LRRC55: variants seen among roughly 807,000 people sequenced by gnomAD.
LRRC55 encodes leucine-rich repeat-containing protein 55.
Under a neutral mutation model 20.5 loss-of-function variants are expected in LRRC55, and 11 were observed. The ratio of observed to expected loss-of-function variants is 0.54; its 90% CI spans 0.34 to 0.89. LRRC55 has a LOEUF of 0.89. Ranked by LOEUF, LRRC55 falls within the 40% of genes least tolerant of loss-of-function variation. The probability of loss-of-function intolerance (pLI) is 0.02; values close to 1 mark genes in which losing one functional copy is unlikely to be tolerated. For synonymous variants in LRRC55, 188 were observed against 166.6 expected (o/e 1.13, Z -0.99); for missense variants, 358 against 390.9 (o/e 0.92, Z 0.71).
chr11:57,182,966 C>T (rs947964760), intron 1 of LRRC55, among the ~76,000 whole-genome samples: 1 of 152,096 alleles, frequency 6.6e-6, no homozygotes, highest in Non-Finnish European at 1.5e-5. Flanking sequence ...TGAGAATAGC[C>T]TATGGTTGGT....
At position 57,191,600 on chromosome 11, in the gene LRRC55, G is replaced by C. The variant is rs1291179946; in HGVS notation, c.*4120G>C. 6.6e-6 allele frequency: 1 copy of C among 151,886 alleles called. No individual in the cohort carries two copies. The highest frequency in any genetic ancestry group is 1.5e-5 in the Non-Finnish European group (1 of 68,004). 9.4% of individuals were successfully genotyped at this position (151,886 alleles called of 1,614,324 possible). A position where few individuals can be genotyped will look rare whatever the true frequency, so the allele number is the denominator to read the frequency against. On this transcript the variant is annotated 3_prime_UTR_variant, in exon 2 of 2. Transcript: ENST00000497933. Reference sequence around the variant, plus strand: ...GGGTGGGAGGGCTGGGGAGGGGTGGGGTTAGAGGGAAGATGCCAACCTTTG... The same window carrying C: ...GGGTGGGAGGGCTGGGGAGGGGTGGCGTTAGAGGGAAGATGCCAACCTTTG...
At position 57,189,836 on chromosome 11, in the gene LRRC55, G is replaced by A. The variant is rs1440436702; in HGVS notation, c.*2356G>A. The A allele has an allele frequency of 2.0e-5, 3 of 152,194 alleles. No homozygotes were observed. The highest frequency in any genetic ancestry group is 2.4e-5 in the African/African-American group (1 of 41,424). 9.4% of individuals were successfully genotyped at this position (152,194 alleles called of 1,614,324 possible). A position where few individuals can be genotyped will look rare whatever the true frequency, so the allele number is the denominator to read the frequency against. ...AGGAGGCTAATAAGTCATCTTCCAGGAAGGCATCCCTCACTCGTGCTTCCC... is the reference window on the plus strand; with the variant it reads ...AGGAGGCTAATAAGTCATCTTCCAGAAAGGCATCCCTCACTCGTGCTTCCC... On this transcript the variant is annotated 3_prime_UTR_variant, in exon 2 of 2. Transcript: ENST00000497933.
chr11:57,187,477 C>A lies in LRRC55; in HGVS notation c.894C>A (p.Ile298=). 6.2e-7 allele frequency: 1 copy of A among 1,613,156 alleles called. No individual in the cohort carries two copies. Among genetic ancestry groups the A allele is most frequent in the Non-Finnish European group, 8.5e-7 (1 of 1,179,706 alleles). ...RWSKASEEEE[I] ...GCAAGGCCAGTGAAGAGGAAGAGAT[C>A]TGACATGCCTGCCTCTCATCCCTCC... The change falls in exon 2 of 2, where the codon ATC becomes ATA. Residue 298 remains isoleucine (I), a synonymous_variant. Transcript: ENST00000497933.
chr11:57,185,967 T>C (rs1457206850), intron 1 of LRRC55, among the ~76,000 whole-genome samples: 1 of 151,230 alleles, frequency 6.6e-6, no homozygotes, highest in East Asian at 1.9e-4. Context: ...ACCAATATAA[T>C]AATTCATATA....
At position 57,188,143 on chromosome 11, in the gene LRRC55, G is replaced by A. The variant is rs1590512867; in HGVS notation, c.*663G>A. ...AGCTACCAGGTGAGACCACCTCCCA[G>A]TGACTGCCCCCATATGACCAAATGT... On this transcript the variant is annotated 3_prime_UTR_variant, in exon 2 of 2. Coordinates refer to ENST00000497933, the MANE Select transcript of LRRC55 (RefSeq NM_001005210.4). 1 of 153,226 alleles carries A rather than the reference G, an allele frequency of 6.5e-6. No homozygotes were observed. The highest frequency in any genetic ancestry group is 1.9e-4 in the East Asian group (1 of 5,194). 9.5% of individuals were successfully genotyped at this position (153,226 alleles called of 1,614,324 possible).
chr11:57,185,276 T>C lies in LRRC55; in HGVS notation c.662-1969T>C, dbSNP rs1269658355. The stretch of plus-strand genomic sequence containing the variant: ...CCTTCTTTTCTTTTCTTTTCTTTTT[T>C]TTTTTTTTTTTTTTTTTTTTTTGAG... On this transcript the variant is annotated intron_variant, in intron 1 of 1. Coordinates refer to ENST00000497933, the MANE Select transcript of LRRC55 (RefSeq NM_001005210.4). Among the ~76,000 whole-genome samples the C allele has an allele frequency of 1.1e-3, 126 of 117,622 alleles. 5 individuals are homozygous for C. Among genetic ancestry groups the C allele is most frequent in the East Asian group, 5.0e-3 (21 of 4,202 alleles). The allele number at this position is 117,622 out of a possible 152,430, so 77.2% of individuals were successfully genotyped here. A position where few individuals can be genotyped will look rare whatever the true frequency, so the allele number is the denominator to read the frequency against.
At position 57,187,591 on chromosome 11, in the gene LRRC55, G is replaced by T. The variant is rs1854450788; in HGVS notation, c.*111G>T. 1.5e-5 allele frequency: 16 copies of T among 1,050,980 alleles called. No homozygotes were observed. The highest frequency in any genetic ancestry group is 1.8e-5 in the Non-Finnish European group (13 of 708,698). The allele number at this position is 1,050,980 out of a possible 1,614,324, so 65.1% of individuals were successfully genotyped here. A position where few individuals can be genotyped will look rare whatever the true frequency, so the allele number is the denominator to read the frequency against. ...ATGGTGACCTGGCTGCCTCAGTCAT[G>T]GTTCAAGCAAGGTGGGGACACTCAT... On this transcript the variant is annotated 3_prime_UTR_variant, in exon 2 of 2. Transcript: ENST00000497933.
At chr11:57,187,203 C>T (rs781507854) in intron 1 of LRRC55, 42 bp from the exon 2 acceptor site, 1 of 1,574,748 alleles carries the variant, frequency 6.4e-7, no homozygotes, top group Non-Finnish European at 8.7e-7. Flanking sequence ...AATCCCCTCT[C>T]CTTCCCTGGG....
Position 57,182,638 on chromosome 11 carries a change from C to A in LRRC55, c.616C>A (p.Pro206Thr). 6.6e-7 allele frequency: 1 copy of A among 1,518,308 alleles called. No homozygotes were observed. Among genetic ancestry groups the A allele is most frequent in the Non-Finnish European group, 8.8e-7 (1 of 1,134,120 alleles). The allele number at this position is 1,518,308 out of a possible 1,614,324, so 94.1% of individuals were successfully genotyped here. A position where few individuals can be genotyped will look rare whatever the true frequency, so the allele number is the denominator to read the frequency against. ...CTGGGTGTGTGGCTGCACCATGGAA[C>A]CCCTGCTGAAGTGGCTGCGAAACCG... ...NPWVCGCTME[P>T]LLKWLRNRIQ... is the part of the protein sequence containing the mutation. The change falls in exon 1 of 2, where the codon CCC becomes ACC. Residue 206 changes from proline to threonine, a missense_variant. Coordinates refer to ENST00000497933, the MANE Select transcript of LRRC55 (RefSeq NM_001005210.4).
In LRRC55 at chr11:57,181,996, C is replaced by T. The variant is rs1565178691; in HGVS notation, c.-27C>T. On this transcript the variant is annotated 5_prime_UTR_variant, in exon 1 of 2. An upstream open reading frame in the 5' UTR gains an earlier in-frame stop. Transcript: ENST00000497933. The stretch of plus-strand genomic sequence containing the variant: ...GGACACAGTCCTCATGGGCTCCCTC[C>T]AGCACTGCTGTTGCCTGCTGCCTAA... The T allele has an allele frequency of 6.2e-7, 1 of 1,614,206 alleles. No individual in the cohort carries two copies. The highest frequency in any genetic ancestry group is 1.1e-5 in the South Asian group (1 of 91,084).
rs1323523686 is a variant in LRRC55, at chr11:57,187,892, C to T, written c.*412C>T. ...GGAAATATCTACTTTGTCAGGTAGG[C>T]AAAGAAGGGTGTCTGCACATGGCAG... is the stretch of plus-strand genomic sequence containing the variant. On this transcript the variant is annotated 3_prime_UTR_variant, in exon 2 of 2. Transcript: ENST00000497933. 1 of 280,572 alleles carries T rather than the reference C, an allele frequency of 3.6e-6. No homozygotes were observed. Among genetic ancestry groups the T allele is most frequent in the Non-Finnish European group, 6.8e-6 (1 of 146,594 alleles). 17.4% of individuals were successfully genotyped at this position (280,572 alleles called of 1,614,324 possible).
In LRRC55 at chr11:57,191,414, T is replaced by A. The variant is rs1310851350; in HGVS notation, c.*3934T>A. The A allele has an allele frequency of 6.6e-6, 1 of 152,082 alleles. No individual in the cohort carries two copies. Among genetic ancestry groups the A allele is most frequent in the Non-Finnish European group, 1.5e-5 (1 of 68,042 alleles). The allele number at this position is 152,082 out of a possible 1,614,324, so 9.4% of individuals were successfully genotyped here. A position where few individuals can be genotyped will look rare whatever the true frequency, so the allele number is the denominator to read the frequency against. On this transcript the variant is annotated 3_prime_UTR_variant, in exon 2 of 2. Transcript: ENST00000497933. ...ACATCTTCCTAAAGCCAGAGAAAAT[T>A]GTCTGCGCTTCCCCACCCCAGGAAG...
chr11:57,184,370 G>A (rs1590776724), intron 1 of LRRC55, among the ~76,000 whole-genome samples: 1 of 152,306 alleles, frequency 6.6e-6, no homozygotes, highest in South Asian at 2.1e-4. Context: ...CAGCGAGCAG[G>A]AGAGGGGTCC....
At chr11:57,186,229 C>G (rs1040471362) in intron 1 of LRRC55, among the ~76,000 whole-genome samples, 1 of 152,002 alleles carries the variant, frequency 6.6e-6, no homozygotes, top group African/African-American at 2.4e-5. Context: ...AACTCTATAC[C>G]CTGTGTATCT....
chr11:57,182,540 G>T lies in LRRC55; in HGVS notation c.518G>T (p.Gly173Val). ...CGAGACCTGGACCTCAGTTATGGGGGCCTGGCCTTCCTCAGCCTGGAGGCT... is the reference window on the plus strand; with the variant it reads ...CGAGACCTGGACCTCAGTTATGGGGTCCTGGCCTTCCTCAGCCTGGAGGCT... ...QLRDLDLSYG[G>V]LAFLSLEALE... The change falls in exon 1 of 2, where the codon GGC becomes GTC. Residue 173 changes from glycine (G) to valine (V), a missense_variant. By Grantham distance (109) the Gly-to-Val change is moderately radical (BLOSUM62 -3). This residue lies in a region of LRRC55 where 178 missense variants were observed against 207.9 expected (regional missense o/e 0.86). Coordinates refer to ENST00000497933, the MANE Select transcript of LRRC55 (RefSeq NM_001005210.4). The T allele has an allele frequency of 6.3e-7, 1 of 1,576,990 alleles. No individual in the cohort carries two copies. Among genetic ancestry groups the T allele is most frequent in the South Asian group, 1.2e-5 (1 of 85,362 alleles).
rs141945288 is a variant in LRRC55 at position 57,183,112 on chromosome 11, C to A, written c.661+429C>A. ...ATAAAAAGGCTTGACAGGAATCACA[C>A]ACTTAGAAAGTGGCAGGGCCATGAA... On this transcript the variant is annotated intron_variant, in intron 1 of 1. Coordinates refer to ENST00000497933, the MANE Select transcript of LRRC55 (RefSeq NM_001005210.4). Among the ~76,000 whole-genome samples the A allele has an allele frequency of 7.2e-5, 11 of 152,212 alleles. No individual in the cohort carries two copies. The East Asian group carries it at 1.7e-3, about 24-fold the overall frequency.
rs752183992 is a variant in LRRC55, at chr11:57,191,598, G to A, written c.*4118G>A. ...GGGGGTGGGAGGGCTGGGGAGGGGT[G>A]GGGTTAGAGGGAAGATGCCAACCTT... On this transcript the variant is annotated 3_prime_UTR_variant, in exon 2 of 2. Transcript: ENST00000497933. 6.6e-6 allele frequency: 1 copy of A among 152,046 alleles called. No homozygotes were observed. The allele number at this position is 152,046 out of a possible 1,614,324, so 9.4% of individuals were successfully genotyped here.
Position 57,187,688 on chromosome 11 carries a change from C to T in LRRC55, c.*208C>T, listed in dbSNP as rs575161900. 3 of 623,114 alleles carry T rather than the reference C, an allele frequency of 4.8e-6. No homozygotes were observed. The highest frequency in any genetic ancestry group is 8.5e-6 in the Non-Finnish European group (3 of 352,502). 38.6% of individuals were successfully genotyped at this position (623,114 alleles called of 1,614,324 possible). ...GAACATCAGATGAACTGACTCAGTCCCTGCCCTCAAGGCACTTCCCTCTGG... is the reference window on the plus strand; with the variant it reads ...GAACATCAGATGAACTGACTCAGTCTCTGCCCTCAAGGCACTTCCCTCTGG... On this transcript the variant is annotated 3_prime_UTR_variant, in exon 2 of 2. Transcript: ENST00000497933.
rs1854372761 is a variant in LRRC55 at position 57,182,464 on chromosome 11, C to T, written c.442C>T (p.Pro148Ser). ...GLVHIDLSHN[P>S]WLRRVHPQAF... ...AGTCCACATCGACCTGAGCCACAAC[C>T]CCTGGCTGCGGAGGGTGCATCCCCA... The change falls in exon 1 of 2, where the codon CCC becomes TCC. Residue 148 changes from proline to serine, a missense_variant. Pro to Ser is a moderately conservative substitution (Grantham distance 74). This residue lies in a region of LRRC55 where 178 missense variants were observed against 207.9 expected (regional missense o/e 0.86). Transcript: ENST00000497933. 7 of 1,610,990 alleles carry T rather than the reference C, an allele frequency of 4.3e-6. No homozygotes were observed. In the South Asian group the frequency reaches 7.7e-5, roughly 18 times the overall value.
Sources: allele counts gnomAD v4.1 joint callset (sites outside exome capture counted in the v4.1 genomes callset), GRCh38; gene constraint gnomAD v4.1.1; regional missense constraint gnomAD v4.1.1; transcripts MANE v1.5; gene names NCBI Gene and HGNC (gene_info 2026-07-23, HGNC 2026-07-21).